The following PKD1L1 variants were observed in gnomAD, a reference collection of about 807,000 sequenced individuals.
PKD1L1 encodes polycystin 1 like 1, transient receptor potential channel interacting.
Under a neutral mutation model 323.4 loss-of-function variants are expected in PKD1L1, and 236 were observed. The observed-to-expected ratio is 0.73, with a 90% CI of 0.66 to 0.81. The LOEUF (loss-of-function observed/expected upper bound fraction) is 0.81. PKD1L1 is among the 40% of genes least tolerant of loss of function. The pLI is 0.00. For missense variants in PKD1L1, 3,320 were observed against 3,508.0 expected, an observed-to-expected ratio of 0.95 and a Z score of 1.35; for synonymous variants, 1,344 against 1,335.0, an observed-to-expected ratio of 1.01 and a Z score of -0.15.
At chr7:47,805,934 T>A (rs1256467369) in intron 52 of PKD1L1, among the ~76,000 whole-genome samples, 2 of 152,242 alleles carry the variant, frequency 1.3e-5, no homozygotes. Flanking sequence ...CTAACCTCAA[T>A]ACATGTCAGC....
At chr7:47,822,085 T>C (rs1785153751) in intron 45 of PKD1L1, among the ~76,000 whole-genome samples, 2 of 152,210 alleles carry the variant, frequency 1.3e-5, no homozygotes, top group Non-Finnish European at 1.5e-5. Context: ...AGTCTATTCC[T>C]GTGTTCTCTA....
intron 21 of PKD1L1, among the ~76,000 whole-genome samples, 182 bp from the exon 22 acceptor site, chr7:47,877,813 C>T (rs1786443235): frequency 6.6e-6 from 1 of 152,156 alleles, no homozygotes; most frequent in South Asian, 2.1e-4. Flanking sequence ...CCTAGACCTG[C>T]TGACTCAGAA....
At position 47,866,592 on chromosome 7, in the gene PKD1L1, G is replaced by C. The variant is rs199855897; in HGVS notation, c.3919C>G (p.Leu1307Val). ...EDLYNSSLKN[L>V]STLQLMGSYT... ...CTCCCCATCAGCTGGAGGGTAGAAAGGTTTTTCAGGCTGGAATTATACCTG... is the reference window on the plus strand; with the variant it reads ...CTCCCCATCAGCTGGAGGGTAGAAACGTTTTTCAGGCTGGAATTATACCTG... The change falls in exon 25 of 57, where the codon CTT (leucine) becomes GTT (valine). Residue 1307 changes from leucine to valine, a missense_variant. Transcript: ENST00000289672. The C allele has an allele frequency of 1.9e-6, 3 of 1,607,992 alleles. No homozygotes were observed. The highest frequency in any genetic ancestry group is 2.5e-6 in the Non-Finnish European group (3 of 1,176,824).
rs774025690 is a variant in PKD1L1, at chr7:47,829,447, T to C, written c.6713A>G (p.Asp2238Gly). 1 of 1,613,246 alleles carries C rather than the reference T, an allele frequency of 6.2e-7. No homozygotes were observed. Among genetic ancestry groups the C allele is most frequent in the Admixed American group, 1.7e-5 (1 of 59,754 alleles). The change falls in exon 44 of 57, where the codon GAC becomes GGC. Residue 2238 changes from aspartate to glycine, a missense_variant. Physicochemically the swap from Asp to Gly is moderately conservative, Grantham distance 94. Coordinates refer to ENST00000289672, the MANE Select transcript of PKD1L1 (RefSeq NM_138295.5). ...LPFSSSCSIP[D>G]CAGEVEKVLA... is the part of the protein sequence containing the mutation. ...TACTTTTTCAACCTCGCCTGCACAG[T>C]CAGGAATACTGCAGCTTGAAGAGAA...
chr7:47,798,407 T>C (rs547431054), intron 54 of PKD1L1, among the ~76,000 whole-genome samples: 1 of 152,354 alleles, frequency 6.6e-6, no homozygotes, highest in African/African-American at 2.4e-5. Flanking sequence ...ACATCTTACA[T>C]TAAAATTAGC....
intron 56 of PKD1L1, among the ~76,000 whole-genome samples, chr7:47,779,772 A>G (rs1435287450): frequency 6.6e-6 from 1 of 152,178 alleles, no homozygotes; most frequent in African/African-American, 2.4e-5. Flanking sequence ...GCAATTCGGG[A>G]TGTCCAAATA....
chr7:47,788,848 T>C (rs529148968), intron 56 of PKD1L1, among the ~76,000 whole-genome samples: 1 of 152,082 alleles, frequency 6.6e-6, no homozygotes, highest in East Asian at 1.9e-4. Context: ...CCGCCCACCT[T>C]GGCCTCCCGA....
At chr7:47,829,839 T>G (rs976236721) in intron 43 of PKD1L1, among the ~76,000 whole-genome samples, 2 of 152,190 alleles carry the variant, frequency 1.3e-5, no homozygotes, top group African/African-American at 4.8e-5. Context: ...AGTGGTACCC[T>G]CCTCAAAGAT....
chr7:47,807,484 TG>T (rs1784804621), intron 52 of PKD1L1, among the ~76,000 whole-genome samples: 2 of 152,044 alleles, frequency 1.3e-5, no homozygotes, highest in Admixed American at 1.3e-4. Flanking sequence ...CACCCAGCCC[TG>T]GGGGTGGCCC....
intron 14 of PKD1L1, among the ~76,000 whole-genome samples, chr7:47,896,461 T>C (rs1786938567): frequency 6.6e-6 from 1 of 152,040 alleles, no homozygotes; most frequent in African/African-American, 2.4e-5. Context: ...TATCTGACCT[T>C]GAGTCCCATT....
At position 47,842,996 on chromosome 7, in the gene PKD1L1, G is replaced by T; in HGVS notation, c.5411C>A (p.Thr1804Asn). Residue 1804 changes from threonine to asparagine, a missense_variant, in exon 34 of 57, where the codon ACT becomes AAT. By Grantham distance (65) the Thr-to-Asn change is moderately conservative. Coordinates refer to ENST00000289672, the MANE Select transcript of PKD1L1 (RefSeq NM_138295.5). ...GHQLYAVVIDTGFRAPARLTS... is the reference protein window; with the variant it reads ...GHQLYAVVIDNGFRAPARLTS... ...CAACCTGGCCGGAGCTCGGAAGCCAGTGTCAATGACGACCGCATATAGCTG... is the reference window on the plus strand; with the variant it reads ...CAACCTGGCCGGAGCTCGGAAGCCATTGTCAATGACGACCGCATATAGCTG... 1 of 1,613,762 alleles carries T rather than the reference G, an allele frequency of 6.2e-7. No homozygotes were observed. The highest frequency in any genetic ancestry group is 8.5e-7 in the Non-Finnish European group (1 of 1,179,842).
intron 52 of PKD1L1, among the ~76,000 whole-genome samples, chr7:47,805,402 G>A (rs1378144640): frequency 6.6e-6 from 1 of 151,224 alleles, no homozygotes. Flanking sequence ...TGAAGTTAGA[G>A]CTAAATTCCT....
intron 48 of PKD1L1, 115 bp downstream of exon 48, chr7:47,813,816 T>C: frequency 1.1e-6 from 1 of 891,758 alleles, no homozygotes; most frequent in Non-Finnish European, 1.8e-6. Flanking sequence ...ACAATTCCAA[T>C]TACCACTGAA....
intron 18 of PKD1L1, among the ~76,000 whole-genome samples, chr7:47,885,365 C>T (rs933776229): frequency 2.2e-4 from 33 of 152,146 alleles, no homozygotes; most frequent in Non-Finnish European, 4.4e-5. Flanking sequence ...TAAAGTGAAG[C>T]AATTGATCCC....
In PKD1L1 at chr7:47,915,459, A is replaced by G. The variant is rs764379854; in HGVS notation, c.1201T>C (p.Tyr401His). The G allele has an allele frequency of 9.6e-7, 1 of 1,043,604 alleles. No homozygotes were observed. Among genetic ancestry groups the G allele is most frequent in the East Asian group, 2.4e-5 (1 of 42,360 alleles). 64.6% of individuals were successfully genotyped at this position (1,043,604 alleles called of 1,614,324 possible). A position where few individuals can be genotyped will look rare whatever the true frequency, so the allele number is the denominator to read the frequency against. Residue 401 changes from tyrosine to histidine, a missense_variant, in exon 8 of 57, where the codon TAT becomes CAT. By Grantham distance (83) the Tyr-to-His change is moderately conservative. Transcript: ENST00000289672. ...LEDSDPSNLGYELISAFVTKG... is the reference protein window; with the variant it reads ...LEDSDPSNLGHELISAFVTKG... ...GTGACAAAGGCAGAAATAAGCTCAT[A>G]TCCAAGGTTACTGGGGTCTGAGTCT...
intron 54 of PKD1L1, among the ~76,000 whole-genome samples, chr7:47,799,518 C>A (rs995463576): frequency 1.2e-4 from 18 of 152,094 alleles, no homozygotes; most frequent in African/African-American, 4.1e-4. Flanking sequence ...GCAGGCACAC[C>A]AATATGCCTG....
intron 7 of PKD1L1, among the ~76,000 whole-genome samples, chr7:47,925,540 T>A (rs1485942912): frequency 6.6e-6 from 1 of 152,158 alleles, no homozygotes; most frequent in African/African-American, 2.4e-5. Context: ...ACCTACTGAA[T>A]GGACCCCTCC....
At chr7:47,819,199 T>C (rs1785087581) in intron 46 of PKD1L1, among the ~76,000 whole-genome samples, 1 of 152,150 alleles carries the variant, frequency 6.6e-6, no homozygotes, top group Admixed American at 6.5e-5. Flanking sequence ...CCCTGCCTGG[T>C]GGCCAGAGCA....
At chr7:47,955,533 CCTG>C in the PKD1L1 span, among the ~76,000 whole-genome samples, 3 of 152,198 alleles carry the variant, frequency 2.0e-5, no homozygotes, top group East Asian at 3.8e-4. Flanking sequence ...CAACATCTAA[CCTG>C]CTTTTTTAAC....
Sources: allele counts gnomAD v4.1 joint callset (sites outside exome capture counted in the v4.1 genomes callset), GRCh38; gene constraint gnomAD v4.1.1; transcripts MANE v1.5; gene names NCBI Gene and HGNC (gene_info 2026-07-23, HGNC 2026-07-21).